The following PSMA8 variants were observed in gnomAD, a reference collection of about 807,000 sequenced individuals.
The protein encoded by PSMA8 is proteasome subunit alpha-type 8.
Under a neutral mutation model 32.4 loss-of-function variants are expected in PSMA8, and 18 were observed. That is an observed-to-expected ratio of 0.56 (90% CI 0.38 to 0.82). The LOEUF is 0.82. Among genes scored for constraint, PSMA8 ranks in the 40% least tolerant of loss-of-function variants. The pLI, the probability that PSMA8 is intolerant of heterozygous loss-of-function variation, is 0.00. For synonymous variants in PSMA8, 104 were observed against 98.1 expected, an observed-to-expected ratio of 1.06 and a Z score of -0.36; for missense variants, 298 against 300.7, an observed-to-expected ratio of 0.99 and a Z score of 0.07.
chr18:26,166,690 G>A (rs1418217561), intron 4 of PSMA8, among the ~76,000 whole-genome samples: 1 of 152,080 alleles, frequency 6.6e-6, no homozygotes, highest in Non-Finnish European at 1.5e-5. Context: ...ATTTTTACTT[G>A]ACAAAACAAT....
At chr18:26,159,228 G>A (rs374789077) in intron 4 of PSMA8, among the ~76,000 whole-genome samples, 1 of 152,126 alleles carries the variant, frequency 6.6e-6, no homozygotes. Context: ...TGGTCTTTAT[G>A]CTTGTGTTAA....
intron 3 of PSMA8, among the ~76,000 whole-genome samples, chr18:26,157,151 A>G (rs1356514428): frequency 6.6e-6 from 1 of 152,034 alleles, no homozygotes; most frequent in Non-Finnish European, 1.5e-5. Context: ...TAGATATGAT[A>G]CATAGGCAAG....
chr18:26,156,031 AT>A (rs2055086139), intron 3 of PSMA8, among the ~76,000 whole-genome samples: 1 of 152,204 alleles, frequency 6.6e-6, no homozygotes, highest in Non-Finnish European at 1.5e-5. Flanking sequence ...AGAAATACAA[AT>A]GGCCAACATG....
intron 6 of PSMA8, among the ~76,000 whole-genome samples, chr18:26,183,720 A>G (rs947329575): frequency 6.6e-6 from 1 of 150,938 alleles, no homozygotes; most frequent in Non-Finnish European, 1.5e-5. Flanking sequence ...TTACATAAAT[A>G]AAGCAGTGAC....
intron 6 of PSMA8, among the ~76,000 whole-genome samples, chr18:26,182,588 G>A (rs2055320524): frequency 6.6e-6 from 1 of 152,158 alleles, no homozygotes; most frequent in Non-Finnish European, 1.5e-5. Context: ...ACATGTACAA[G>A]GAAATTAATG....
Position 26,192,434 on chromosome 18 carries a change from G to T in PSMA8, c.*23G>T. The T allele has an allele frequency of 6.6e-7, 1 of 1,513,870 alleles. No individual in the cohort carries two copies. The highest frequency in any genetic ancestry group is 8.7e-7 in the Non-Finnish European group (1 of 1,143,660). The allele number at this position is 1,513,870 out of a possible 1,614,324, so 93.8% of individuals were successfully genotyped here. A position where few individuals can be genotyped will look rare whatever the true frequency, so the allele number is the denominator to read the frequency against. On this transcript the variant is annotated 3_prime_UTR_variant, in exon 7 of 7. Transcript: ENST00000415576. ...TAATTCTTAGGATGACCACTGGGAG[G>T]TCTTAATGTTTTGTTTTATTGTACT...
intron 4 of PSMA8, chr18:26,171,283 C>T (rs1410905994): frequency 6.6e-7 from 1 of 1,520,788 alleles, no homozygotes; most frequent in African/African-American, 3.8e-5. Context: ...AGCGAACCAA[C>T]CATGACAGCA....
chr18:26,170,294 A>G (rs1407433944), intron 4 of PSMA8, among the ~76,000 whole-genome samples: 1 of 131,454 alleles, frequency 7.6e-6, no homozygotes, highest in East Asian at 2.1e-4. Flanking sequence ...TCAATTTTCC[A>G]CTGTTACAAA....
chr18:26,178,041 C>T (rs1217596685), intron 4 of PSMA8, among the ~76,000 whole-genome samples: 1 of 151,368 alleles, frequency 6.6e-6, no homozygotes, highest in African/African-American at 2.4e-5. Context: ...TAGCAAGACC[C>T]TATCTCTAAA....
At chr18:26,142,272 C>T (rs548883414) in intron 1 of PSMA8, among the ~76,000 whole-genome samples, 23 of 152,134 alleles carry the variant, frequency 1.5e-4, no homozygotes, top group African/African-American at 5.5e-4. Flanking sequence ...ATCTCCTGAC[C>T]TCGTGATCCA....
At chr18:26,179,512 T>C (rs941491969) in intron 6 of PSMA8, among the ~76,000 whole-genome samples, 10 of 152,212 alleles carry the variant, frequency 6.6e-5, no homozygotes, top group Non-Finnish European at 1.5e-5. Flanking sequence ...CTTTAATACG[T>C]AGCACGATAA....
chr18:26,141,766 T>C (rs1435284234), intron 1 of PSMA8, among the ~76,000 whole-genome samples: 5 of 147,874 alleles, frequency 3.4e-5, no homozygotes, highest in Non-Finnish European at 6.0e-5. Context: ...CATGGTTCAC[T>C]GCCTTGAACT....
In PSMA8 at chr18:26,144,780, C is replaced by T. The variant is rs567355885; in HGVS notation, c.229+95C>T. 239 of 1,192,190 alleles carry T rather than the reference C, an allele frequency of 2.0e-4. 1 individual carries two copies. The East Asian group carries it at 5.7e-3, about 28-fold the overall frequency. 73.9% of individuals were successfully genotyped at this position (1,192,190 alleles called of 1,614,324 possible). A position where few individuals can be genotyped will look rare whatever the true frequency, so the allele number is the denominator to read the frequency against. ...CTGCAGTTGTGCTATATTTATAAAA[C>T]ATGTGGAGTTGTTCTACAAACAATA... On this transcript the variant is annotated intron_variant, in intron 2 of 6. Coordinates refer to ENST00000415576, the MANE Select transcript of PSMA8 (RefSeq NM_001025096.2).
intron 2 of PSMA8, among the ~76,000 whole-genome samples, chr18:26,151,003 T>G (rs996474047): frequency 6.6e-5 from 10 of 152,224 alleles, no homozygotes; most frequent in Non-Finnish European, 1.0e-4. Flanking sequence ...AAAAAGAGAA[T>G]CAGTTTCTCT....
At chr18:26,149,821 A>G (rs2055031233) in intron 2 of PSMA8, among the ~76,000 whole-genome samples, 1 of 152,260 alleles carries the variant, frequency 6.6e-6, no homozygotes, top group Admixed American at 6.5e-5. Context: ...AGCTGAAAAT[A>G]TAAAGCATAG....
chr18:26,158,253 T>C lies in PSMA8; in HGVS notation c.477+9T>C, dbSNP rs1206040607. 1 of 1,583,460 alleles carries C rather than the reference T, an allele frequency of 6.3e-7. No individual in the cohort carries two copies. On this transcript the variant is annotated intron_variant, in intron 4 of 6. Coordinates refer to ENST00000415576, the MANE Select transcript of PSMA8 (RefSeq NM_001025096.2). Reference sequence around the variant, plus strand: ...CTTATCATGCTTGGAAGGTGAGTCATGAATTTATTAATACTTTTTTAGAAG... The same window carrying C: ...CTTATCATGCTTGGAAGGTGAGTCACGAATTTATTAATACTTTTTTAGAAG...
In PSMA8 at chr18:26,144,663, C is replaced by T. The variant is rs533874554; in HGVS notation, c.207C>T (p.Asp69=). Residue 69 remains aspartate (D), a synonymous_variant, in exon 2 of 7, where the codon GAC becomes GAT. Transcript: ENST00000415576. ...RTVRKICALD[D]HVCMAFAGLT... is the part of the protein sequence containing the mutation. ...TGAGGAAAATTTGTGCCCTTGATGACCATGTCTGCATGGCTTTTGCAGGTA... is the reference window on the plus strand; with the variant it reads ...TGAGGAAAATTTGTGCCCTTGATGATCATGTCTGCATGGCTTTTGCAGGTA... 5.5e-5 allele frequency: 88 copies of T among 1,613,780 alleles called. 1 individual carries two copies. In the South Asian group the frequency reaches 8.6e-4, roughly 16 times the overall value.
In PSMA8 at chr18:26,142,432, A is replaced by G. The variant is rs573277764; in HGVS notation, c.103-2127A>G. Among the ~76,000 whole-genome samples the G allele has an allele frequency of 4.6e-5, 7 of 152,356 alleles. No homozygotes were observed. The East Asian group carries it at 1.4e-3, about 29-fold the overall frequency. On this transcript the variant is annotated intron_variant, in intron 1 of 6. Transcript: ENST00000415576. Reference sequence around the variant, plus strand: ...AATTTTTAGATTACCCCTGTAATACAGAACCAAAATTCTAAACTTTCCTCT... The same window carrying G: ...AATTTTTAGATTACCCCTGTAATACGGAACCAAAATTCTAAACTTTCCTCT...
rs749336416 is a variant in PSMA8 at position 26,151,844 on chromosome 18, G to A, written c.230-14G>A. 2 of 1,572,924 alleles carry A rather than the reference G, an allele frequency of 1.3e-6. No homozygotes were observed. Among genetic ancestry groups the A allele is most frequent in the African/African-American group, 1.4e-5 (1 of 73,176 alleles). On this transcript the variant is annotated splice_polypyrimidine_tract_variant and intron_variant, in intron 2 of 6. Coordinates refer to ENST00000415576, the MANE Select transcript of PSMA8 (RefSeq NM_001025096.2). ...GTTTTTGTGGTTTTTGTGAAGTTTTGACAATTTTTATAGGACTTACTGCTG... is the reference window on the plus strand; with the variant it reads ...GTTTTTGTGGTTTTTGTGAAGTTTTAACAATTTTTATAGGACTTACTGCTG...
Sources: allele counts gnomAD v4.1 joint callset (sites outside exome capture counted in the v4.1 genomes callset), GRCh38; gene constraint gnomAD v4.1.1; transcripts MANE v1.5; gene names NCBI Gene and HGNC (gene_info 2026-07-23, HGNC 2026-07-21).